The following MCTP1 variants were observed in gnomAD, a reference collection of about 807,000 sequenced individuals.
The protein encoded by MCTP1 is multiple C2 and transmembrane domain-containing protein 1.
A neutral mutation model predicts 120.6 loss-of-function variants in MCTP1; 69 were observed. The observed-to-expected ratio is 0.57, with a 90% confidence interval of 0.47 to 0.70. The LOEUF (loss-of-function observed/expected upper bound fraction) is 0.70. Ranked by LOEUF, MCTP1 falls within the 30% of genes least tolerant of loss-of-function variation. The pLI is 0.00. For missense variants in MCTP1, 1,203 were observed against 1,248.8 expected (o/e 0.96, Z 0.55); for synonymous variants, 529 against 493.1 (o/e 1.07, Z -0.96).
Position 95,195,376 on chromosome 5 carries a change from C to T in MCTP1, c.720+88480G>A, listed in dbSNP as rs117186257. 1.1e-4 allele frequency among the ~76,000 whole-genome samples: 17 copies of T among 152,176 alleles called. No individual in the cohort carries two copies. The East Asian group carries it at 2.3e-3, about 21-fold the overall frequency. ...AGTTCACTGTTCAAAAAGAGTGAGA[C>T]GGTGTTTCATGTCTGTTTCTGAGGA... On this transcript the variant is annotated intron_variant, in intron 1 of 22. Coordinates refer to ENST00000515393, the MANE Select transcript of MCTP1 (RefSeq NM_024717.7).
chr5:95,170,500 G>A (rs1417389649), intron 1 of MCTP1, among the ~76,000 whole-genome samples: 3 of 152,126 alleles, frequency 2.0e-5, no homozygotes, highest in Non-Finnish European at 2.9e-5. Context: ...GTCTAATGTT[G>A]ACAGTGGGGT....
intron 1 of MCTP1, among the ~76,000 whole-genome samples, chr5:95,155,791 C>A (rs1304028534): frequency 6.6e-6 from 1 of 152,160 alleles, no homozygotes; most frequent in African/African-American, 2.4e-5. Flanking sequence ...CCCTATATAT[C>A]CCCTTTCCCC....
chr5:95,223,179 T>C (rs1321328433), intron 1 of MCTP1, among the ~76,000 whole-genome samples: 3 of 152,144 alleles, frequency 2.0e-5, no homozygotes, highest in Non-Finnish European at 4.4e-5. Flanking sequence ...TGGCTGGGTG[T>C]GGTGGCTCAC....
intron 1 of MCTP1, among the ~76,000 whole-genome samples, chr5:95,142,284 G>T (rs759293595): frequency 5.3e-5 from 8 of 152,172 alleles, no homozygotes; most frequent in Non-Finnish European, 1.2e-4. Flanking sequence ...CAGATAAGAA[G>T]AAGTGTGGCT....
At chr5:95,023,304 A>G (rs1554184940) in intron 1 of MCTP1, among the ~76,000 whole-genome samples, 2 of 152,158 alleles carry the variant, frequency 1.3e-5, no homozygotes, top group Non-Finnish European at 2.9e-5. Flanking sequence ...GAGTAGAGAA[A>G]TCCCATGGTT....
At chr5:95,243,662 C>G (rs1756424944) in intron 1 of MCTP1, among the ~76,000 whole-genome samples, 1 of 152,126 alleles carries the variant, frequency 6.6e-6, no homozygotes, top group Admixed American at 6.6e-5. Flanking sequence ...GAGAGAGACA[C>G]CATTTTAGTA....
At chr5:95,159,583 G>A (rs1745493695) in intron 1 of MCTP1, among the ~76,000 whole-genome samples, 1 of 152,116 alleles carries the variant, frequency 6.6e-6, no homozygotes, top group African/African-American at 2.4e-5. Context: ...TCTAAAATGT[G>A]AGTATGTACC....
At chr5:94,748,772 A>C (rs1767525949) in intron 19 of MCTP1, among the ~76,000 whole-genome samples, 1 of 152,258 alleles carries the variant, frequency 6.6e-6, no homozygotes, top group African/African-American at 2.4e-5. Context: ...GAAGCACTGT[A>C]GCACTACATT....
intron 6 of MCTP1, 112 bp downstream of exon 6, chr5:94,931,841 T>C (rs982256525): frequency 6.1e-6 from 5 of 813,460 alleles, no homozygotes; most frequent in South Asian, 1.6e-5. Flanking sequence ...AAAGTAACAA[T>C]TGAATAGTAT....
intron 1 of MCTP1, among the ~76,000 whole-genome samples, chr5:95,209,275 T>C (rs1752043364): frequency 6.6e-6 from 1 of 152,182 alleles, no homozygotes; most frequent in South Asian, 2.1e-4. Flanking sequence ...CAATCAGCCA[T>C]GAAACACCAG....
At chr5:94,801,609 G>A (rs1017127304) in intron 17 of MCTP1, among the ~76,000 whole-genome samples, 1 of 152,188 alleles carries the variant, frequency 6.6e-6, no homozygotes, top group African/African-American at 2.4e-5. Context: ...ATGGGACTCA[G>A]ATTATCCCAT....
At chr5:94,897,168 T>C (rs1804230804) in intron 10 of MCTP1, among the ~76,000 whole-genome samples, 1 of 151,962 alleles carries the variant, frequency 6.6e-6, no homozygotes, top group Non-Finnish European at 1.5e-5. Flanking sequence ...GCTTGGGTGA[T>C]TCTTCCCACT....
At position 95,283,579 on chromosome 5, in the gene MCTP1, T is replaced by C. The variant is rs138149778; in HGVS notation, c.720+277A>G. 2.7e-3 allele frequency among the ~76,000 whole-genome samples: 408 copies of C among 152,386 alleles called. 2 individuals are homozygous for C. The highest frequency in any genetic ancestry group is 4.3e-3 in the Non-Finnish European group (294 of 68,034). On this transcript the variant is annotated intron_variant, in intron 1 of 22. Coordinates refer to ENST00000515393, the MANE Select transcript of MCTP1 (RefSeq NM_024717.7). ...CTCCTTTCAGGAGAACTCTAAAAAG[T>C]ACCCACTTTAGGTCTAACTTTTCAT...
At chr5:95,046,305 G>T (rs1374129833) in intron 1 of MCTP1, among the ~76,000 whole-genome samples, 1 of 152,068 alleles carries the variant, frequency 6.6e-6, no homozygotes, top group African/African-American at 2.4e-5. Context: ...CAGAAACCTT[G>T]AACAAAGCTA....
chr5:95,011,535 C>T (rs989960986), intron 2 of MCTP1, among the ~76,000 whole-genome samples: 1 of 152,048 alleles, frequency 6.6e-6, no homozygotes, highest in Non-Finnish European at 1.5e-5. Flanking sequence ...GGGGCAGTTT[C>T]CTCCATGCTG....
At position 95,133,113 on chromosome 5, in the gene MCTP1, G is replaced by A. The variant is rs75523237; in HGVS notation, c.721-115629C>T. Among the ~76,000 whole-genome samples the A allele has an allele frequency of 5.8e-4, 89 of 152,196 alleles. No individual in the cohort carries two copies. The East Asian group carries it at 8.5e-3, about 15-fold the overall frequency. On this transcript the variant is annotated intron_variant, in intron 1 of 22. Coordinates refer to ENST00000515393, the MANE Select transcript of MCTP1 (RefSeq NM_024717.7). ...TGATTTAAGATTTGATCATAAATAC[G>A]TTCATTCTTAAGCTTTTTATGGGAG...
rs145606617 is a variant in MCTP1, at chr5:94,706,578, GTTTT to G, written c.*914_*917del. The G allele has an allele frequency of 6.8e-6, 1 of 146,670 alleles. No homozygotes were observed. Among genetic ancestry groups the G allele is most frequent in the South Asian group, 2.1e-4 (1 of 4,720 alleles). The allele number at this position is 146,670 out of a possible 1,614,324, so 9.1% of individuals were successfully genotyped here. ...TTTCAGTAATCTAATGAGAAAGCAGGTTTTTTTTTTCTCTGAGAGCACTTGAGTA... is the reference window on the plus strand; with the variant it reads ...TTTCAGTAATCTAATGAGAAAGCAGGTTTTTTCTCTGAGAGCACTTGAGTA... On this transcript the variant is annotated 3_prime_UTR_variant, in exon 23 of 23. Coordinates refer to ENST00000515393, the MANE Select transcript of MCTP1 (RefSeq NM_024717.7).
intron 19 of MCTP1, among the ~76,000 whole-genome samples, chr5:94,749,005 G>T (rs573107105): frequency 1.1e-4 from 16 of 152,308 alleles, no homozygotes; most frequent in African/African-American, 3.6e-4. Context: ...TGATGCTTCT[G>T]CTGTAATTGT....
At chr5:95,142,456 T>A (rs1046775435) in intron 1 of MCTP1, among the ~76,000 whole-genome samples, 5 of 152,194 alleles carry the variant, frequency 3.3e-5, no homozygotes, top group African/African-American at 1.2e-4. Flanking sequence ...TTCTTTTCAG[T>A]TTAGGCCCTA....
Sources: allele counts gnomAD v4.1 joint callset (sites outside exome capture counted in the v4.1 genomes callset), GRCh38; gene constraint gnomAD v4.1.1; transcripts MANE v1.5; gene names NCBI Gene and HGNC (gene_info 2026-07-23, HGNC 2026-07-21).